Variants in SLC6A18 observed in about 807,000 individuals in gnomAD.
SLC6A18 encodes the protein solute carrier family 6 member 18, also known as inactive sodium-dependent neutral amino acid transporter B(0)AT3.
SLC6A18 carries 58 observed loss-of-function variants against 62.9 expected under a neutral mutation model. The observed-to-expected ratio is 0.92, with a 90% CI of 0.75 to 1.15. The LOEUF (loss-of-function observed/expected upper bound fraction) is 1.15, where lower values mean the gene tolerates loss of function less well. Among genes scored for constraint, SLC6A18 ranks in the 50% most tolerant of loss-of-function variants. SLC6A18 has a pLI of 0.00. For synonymous variants in SLC6A18, 382 were observed against 365.8 expected (o/e 1.04, Z -0.51); for missense variants, 793 against 836.6 (o/e 0.95, Z 0.64).
chr5:1,240,575 G>C lies in SLC6A18; in HGVS notation c.890G>C (p.Arg297Thr), dbSNP rs1393606624. Residue 297 changes from arginine to threonine, a missense_variant, in exon 7 of 12, where the codon AGG becomes ACG. Physicochemically the swap from Arg to Thr is moderately conservative, Grantham distance 71. Coordinates refer to ENST00000324642, the MANE Select transcript of SLC6A18 (RefSeq NM_182632.3). ...KDAVVIALVN[R>T]MTSLYASIAV... The stretch of plus-strand genomic sequence containing the variant: ...GCGGTGGTCATCGCCCTGGTCAACA[G>C]GATGACCTCCCTGTACGCGTCCATC... 6.2e-7 allele frequency: 1 copy of C among 1,614,136 alleles called. No individual in the cohort carries two copies. The highest frequency in any genetic ancestry group is 2.2e-5 in the East Asian group (1 of 44,868).
In SLC6A18 at chr5:1,240,651, C is replaced by A; in HGVS notation, c.966C>A (p.Cys322Ter). Reference protein sequence around the residue: ...GFKATNDYEHCLDRNILSLIN... With the variant: ...GFKATNDYEH ...AAGCAACTAATGACTACGAGCACTGCCTGGACAGGTGAGCACAGGTGCCGC... is the reference window on the plus strand; with the variant it reads ...AAGCAACTAATGACTACGAGCACTGACTGGACAGGTGAGCACAGGTGCCGC... The change falls in exon 7 of 12, where the codon TGC becomes TGA. Residue 322 changes from cysteine (C) to a stop codon, truncating the protein, a stop_gained. Coordinates refer to ENST00000324642, the MANE Select transcript of SLC6A18 (RefSeq NM_182632.3). LOFTEE classifies it high-confidence loss of function. 6.2e-7 allele frequency: 1 copy of A among 1,613,912 alleles called. No homozygotes were observed.
intron 1 of SLC6A18, among the ~76,000 whole-genome samples, chr5:1,225,897 T>G (rs895910444): frequency 6.6e-5 from 10 of 152,212 alleles, no homozygotes; most frequent in Non-Finnish European, 1.5e-4. Context: ...TTCCGGGACC[T>G]CAGGGCAGCT....
intron 3 of SLC6A18, among the ~76,000 whole-genome samples, chr5:1,235,124 T>C (rs967698613): frequency 1.3e-5 from 2 of 152,150 alleles, no homozygotes; most frequent in African/African-American, 4.8e-5. Flanking sequence ...ATGCAGCCGC[T>C]CTCCGTCCAG....
intron 7 of SLC6A18, 70 bp from the exon 8 acceptor site, chr5:1,242,637 C>T: frequency 2.0e-6 from 3 of 1,535,004 alleles, no homozygotes; most frequent in Non-Finnish European, 2.6e-6. Flanking sequence ...TTCGCAGCAC[C>T]AACCAAGGGT....
rs556718397 is a variant in SLC6A18 at position 1,239,087 on chromosome 5, C to T, written c.733-363C>T. ...CCAGGCTCCGTGCATGGCATCCCTG[C>T]CCTCGGGGCTTCAAATCACCCAGAA... is the stretch of plus-strand genomic sequence containing the variant. On this transcript the variant is annotated intron_variant, in intron 5 of 11. Coordinates refer to ENST00000324642, the MANE Select transcript of SLC6A18 (RefSeq NM_182632.3). Among the ~76,000 whole-genome samples, 7 of 152,360 alleles carry T rather than the reference C, an allele frequency of 4.6e-5. No homozygotes were observed. In the East Asian group the frequency reaches 1.3e-3, roughly 29 times the overall value.
intron 1 of SLC6A18, among the ~76,000 whole-genome samples, chr5:1,230,642 A>G (rs904702784): frequency 2.6e-5 from 4 of 152,216 alleles, no homozygotes; most frequent in Non-Finnish European, 5.9e-5. Flanking sequence ...AACCCAGAGC[A>G]AGGCTGTGTT....
chr5:1,239,617 C>G (rs1579532067), intron 6 of SLC6A18, 55 bp downstream of exon 6: 1 of 1,340,574 alleles, frequency 7.5e-7, no homozygotes, highest in East Asian at 2.3e-5. Context: ...GACGCCCGAG[C>G]ACTTCCTGAT....
Position 1,235,541 on chromosome 5 carries a change from T to G in SLC6A18, c.500T>G (p.Leu167Arg). 6.2e-7 allele frequency: 1 copy of G among 1,614,052 alleles called. No homozygotes were observed. The highest frequency in any genetic ancestry group is 8.5e-7 in the Non-Finnish European group (1 of 1,180,034). Residue 167 changes from leucine to arginine, a missense_variant, in exon 4 of 12, where the codon CTG becomes CGG. Transcript: ENST00000324642. ...AVSYFWYRQTLNITADINDSG... is the reference protein window; with the variant it reads ...AVSYFWYRQTRNITADINDSG... ...AGCTACTTCTGGTACCGGCAGACAC[T>G]GAACATCACAGCCGACATCAATGAC...
rs150299137 is a variant in SLC6A18 at position 1,235,532 on chromosome 5, G to C, written c.491G>C (p.Arg164Pro). 2 of 1,614,020 alleles carry C rather than the reference G, an allele frequency of 1.2e-6. No homozygotes were observed. The highest frequency in any genetic ancestry group is 2.2e-5 in the South Asian group (2 of 91,090). The part of the protein sequence containing the change: ...GSSAVSYFWY[R>P]QTLNITADIN... ...AGCGCCGTGAGCTACTTCTGGTACCGGCAGACACTGAACATCACAGCCGAC... is the reference window on the plus strand; with the variant it reads ...AGCGCCGTGAGCTACTTCTGGTACCCGCAGACACTGAACATCACAGCCGAC... The change falls in exon 4 of 12, where the codon CGG becomes CCG. Residue 164 changes from arginine to proline, a missense_variant. Arg to Pro is a moderately radical substitution (Grantham distance 103). Transcript: ENST00000324642.
chr5:1,234,879 T>C (rs1746844356), intron 3 of SLC6A18, among the ~76,000 whole-genome samples: 1 of 152,174 alleles, frequency 6.6e-6, no homozygotes, highest in African/African-American at 2.4e-5. Context: ...ATACCGGTAA[T>C]CCTCAGACTT....
chr5:1,225,996 T>C (rs1259175681), intron 1 of SLC6A18, among the ~76,000 whole-genome samples: 1 of 152,252 alleles, frequency 6.6e-6, no homozygotes, highest in Non-Finnish European at 1.5e-5. Context: ...ATGTCGTCAG[T>C]TCTTTAAAGA....
intron 2 of SLC6A18, 131 bp downstream of exon 2, chr5:1,232,490 C>A: frequency 7.8e-7 from 1 of 1,287,634 alleles, no homozygotes; most frequent in Non-Finnish European, 1.1e-6. Context: ...GGTGGGGTGG[C>A]AGGGAGCCCT....
chr5:1,237,060 C>A (rs1023954342), intron 4 of SLC6A18, among the ~76,000 whole-genome samples: 2 of 148,680 alleles, frequency 1.3e-5, no homozygotes, highest in South Asian at 4.3e-4. Context: ...ATAGTGACAC[C>A]CCGTGTCTAC....
chr5:1,237,197 G>A (rs1328417676), intron 4 of SLC6A18, among the ~76,000 whole-genome samples: 1 of 148,910 alleles, frequency 6.7e-6, no homozygotes, highest in African/African-American at 2.5e-5. Flanking sequence ...GCCGAGATTG[G>A]GCCATTGCAC....
Position 1,243,487 on chromosome 5 carries a change from G to C in SLC6A18, c.1132-68G>C. 2 of 1,535,900 alleles carry C rather than the reference G, an allele frequency of 1.3e-6. No homozygotes were observed. Among genetic ancestry groups the C allele is most frequent in the South Asian group, 2.3e-5 (2 of 86,970 alleles). ...GGCCTGGGAGAGTGTGTGTCCTGCA[G>C]GCAGGCGTGTGTGTGTGGTGGAGTG... On this transcript the variant is annotated intron_variant, in intron 8 of 11. Coordinates refer to ENST00000324642, the MANE Select transcript of SLC6A18 (RefSeq NM_182632.3). This position sits in a 1 kb window ranked among gnomAD's most constrained non-coding sequence, Gnocchi z 6.5.
chr5:1,240,788 A>G (rs1747036331), intron 7 of SLC6A18, 129 bp downstream of exon 7: 2 of 1,314,310 alleles, frequency 1.5e-6, no homozygotes, highest in Non-Finnish European at 1.0e-6. Context: ...TGTGGAGTGA[A>G]TGGTGTCCCC....
chr5:1,243,001 G>A lies in SLC6A18; in HGVS notation c.1131+138G>A, dbSNP rs1747106270. On this transcript the variant is annotated intron_variant, in intron 8 of 11. Transcript: ENST00000324642. This position sits in a 1 kb window ranked among gnomAD's most constrained non-coding sequence, Gnocchi z 6.5. ...CAGGGCCTGTGAACCAAGAACCCCA[G>A]TCTATCTTTGTCTCAGGTTGCCAGG... is the stretch of plus-strand genomic sequence containing the variant. 3 of 1,045,872 alleles carry A rather than the reference G, an allele frequency of 2.9e-6. No individual in the cohort carries two copies. Among genetic ancestry groups the A allele is most frequent in the Non-Finnish European group, 2.7e-6 (2 of 740,916 alleles). The allele number at this position is 1,045,872 out of a possible 1,614,324, so 64.8% of individuals were successfully genotyped here. A position where few individuals can be genotyped will look rare whatever the true frequency, so the allele number is the denominator to read the frequency against.
At chr5:1,226,648 G>A (rs1013673052) in intron 1 of SLC6A18, among the ~76,000 whole-genome samples, 3 of 152,136 alleles carry the variant, frequency 2.0e-5, no homozygotes, top group East Asian at 1.9e-4. Context: ...TGCCACCCTC[G>A]GGGCACTGGG....
At chr5:1,242,192 C>T (rs2126540596) in intron 7 of SLC6A18, among the ~76,000 whole-genome samples, 1 of 152,328 alleles carries the variant, frequency 6.6e-6, no homozygotes, top group South Asian at 2.1e-4. Flanking sequence ...AAGCTGCCAC[C>T]ACCCCCACCC....
Sources: gnomAD v4.1 joint callset for allele counts (sites outside exome capture counted in the v4.1 genomes callset) on GRCh38, gnomAD v4.1.1 for gene constraint, Gnocchi (gnomAD v3.1) non-coding constraint, MANE v1.5 for transcripts, NCBI Gene and HGNC (gene_info 2026-07-23, HGNC 2026-07-21) for gene names.